The following SPATA9 variants were observed in gnomAD, a reference collection of about 807,000 sequenced individuals.
SPATA9 encodes spermatogenesis associated 9.
SPATA9 carries 27 observed loss-of-function variants against 25.5 expected under a neutral mutation model. That is an observed-to-expected ratio of 1.06 (90% CI 0.78 to 1.46). SPATA9 has a LOEUF of 1.46. SPATA9 is among the 40% of genes most tolerant of loss of function. The pLI is 0.00. For missense variants in SPATA9, 282 were observed against 297.5 expected, an observed-to-expected ratio of 0.95 and a Z score of 0.38; for synonymous variants, 102 against 105.7, an observed-to-expected ratio of 0.97 and a Z score of 0.21.
At chr5:95,693,080 T>G (rs1753929416) in intron 1 of SPATA9, among the ~76,000 whole-genome samples, 1 of 152,260 alleles carries the variant, frequency 6.6e-6, no homozygotes, top group African/African-American at 2.4e-5. Flanking sequence ...TTCTTCATTG[T>G]TTTTGTATTA....
At chr5:95,731,196 C>T in the SPATA9 span, 2 of 1,003,936 alleles carry the variant, frequency 2.0e-6, no homozygotes, top group Non-Finnish European at 2.4e-6. Context: ...GCTCCCGGGG[C>T]CTCCGCGGGG....
At chr5:95,723,678 G>A in the SPATA9 span, among the ~76,000 whole-genome samples, 1 of 152,180 alleles carries the variant, frequency 6.6e-6, no homozygotes, top group East Asian at 1.9e-4. Context: ...TTCTAGGCAA[G>A]TGAGTCTGCA....
chr5:95,714,091 T>G, the SPATA9 span, among the ~76,000 whole-genome samples: 1 of 152,194 alleles, frequency 6.6e-6, no homozygotes, highest in Non-Finnish European at 1.5e-5. Context: ...ATATTTGCCT[T>G]GGGTAATATA....
upstream of SPATA9, among the ~76,000 whole-genome samples, chr5:95,685,778 T>G (rs1753727232): frequency 6.6e-6 from 1 of 152,230 alleles, no homozygotes; most frequent in South Asian, 2.1e-4. Context: ...AAAGTATCAA[T>G]ACAAATACAT....
chr5:95,730,042 G>T, the SPATA9 span, among the ~76,000 whole-genome samples: 1 of 151,574 alleles, frequency 6.6e-6, no homozygotes, highest in East Asian at 1.9e-4. Context: ...AGGTTCTAGA[G>T]ACTCAAAGAG....
the SPATA9 span, among the ~76,000 whole-genome samples, chr5:95,712,773 A>G: frequency 6.6e-6 from 1 of 152,206 alleles, no homozygotes; most frequent in East Asian, 1.9e-4. Context: ...CCTCTGACCC[A>G]CAGAATTTGT....
Position 95,666,738 on chromosome 5 carries a change from T to G in SPATA9, c.379-2690A>C, listed in dbSNP as rs76033439. On this transcript the variant is annotated intron_variant, in intron 3 of 4. Coordinates refer to ENST00000274432, the MANE Select transcript of SPATA9 (RefSeq NM_031952.4). Reference sequence around the variant, plus strand: ...AATTAGTGACTGTAAGGCAGCAGCATCATGAGATTTCTTGAGTGCTGCTTA... The same window carrying G: ...AATTAGTGACTGTAAGGCAGCAGCAGCATGAGATTTCTTGAGTGCTGCTTA... 3.3e-3 allele frequency among the ~76,000 whole-genome samples: 183 copies of G among 56,144 alleles called. 4 individuals carry two copies. In the East Asian group the frequency reaches 0.064, roughly 20 times the overall value. The allele number at this position is 56,144 out of a possible 152,430, so 36.8% of individuals were successfully genotyped here.
Position 95,658,724 on chromosome 5 carries a change from T to C in SPATA9, c.664A>G (p.Ile222Val). 2 of 1,613,892 alleles carry C rather than the reference T, an allele frequency of 1.2e-6. No individual in the cohort carries two copies. The highest frequency in any genetic ancestry group is 1.7e-6 in the Non-Finnish European group (2 of 1,179,914). ...PYRSLPEKPD[I>V]SDYPKLLANK... ...GCAAGAAGCTTGGGGTAATCTGAAATGTCTGGCTTCTCCGGCAATGACCTA... is the reference window on the plus strand; with the variant it reads ...GCAAGAAGCTTGGGGTAATCTGAAACGTCTGGCTTCTCCGGCAATGACCTA... The change falls in exon 5 of 5, where the codon ATT becomes GTT. Residue 222 changes from isoleucine to valine, a missense_variant. Transcript: ENST00000274432.
At chr5:95,659,064 A>G (rs991417630) in intron 4 of SPATA9, 151 bp from the exon 5 acceptor site, 2 of 964,110 alleles carry the variant, frequency 2.1e-6, no homozygotes, top group South Asian at 1.9e-5. Flanking sequence ...GGTACATAAT[A>G]TAATAAGCAT....
chr5:95,731,840 G>GC, the SPATA9 span: 1 of 1,605,952 alleles, frequency 6.2e-7, no homozygotes. Context: ...TTCTCCCCTC[G>GC]CCCCCTCTGT....
At chr5:95,693,260 G>A (rs942891302) in intron 1 of SPATA9, among the ~76,000 whole-genome samples, 1 of 152,142 alleles carries the variant, frequency 6.6e-6, no homozygotes, top group Admixed American at 6.5e-5. Flanking sequence ...CCAGCACCAG[G>A]AGACCTAGAT....
intron 1 of SPATA9, among the ~76,000 whole-genome samples, chr5:95,698,317 AG>A (rs1754088885): frequency 6.6e-6 from 1 of 152,140 alleles, no homozygotes; most frequent in South Asian, 2.1e-4. Flanking sequence ...GACTAAAGAG[AG>A]GGAAGGCTAA....
chr5:95,722,500 T>C, the SPATA9 span, among the ~76,000 whole-genome samples: 569 of 150,098 alleles, frequency 3.8e-3, 3 homozygotes, highest in African/African-American at 0.013. Context: ...TAAAAGAGGT[T>C]TTTTTTTTGA....
At chr5:95,653,030 A>T (rs114220274) in exon 9 of SPATA9, 20,841 of 1,518,972 alleles carry the variant, frequency 0.014, 183 homozygotes, top group Non-Finnish European at 0.016. Context: ...CCTGTTTACC[A>T]ATCTTGCATA....
intron 1 of SPATA9, among the ~76,000 whole-genome samples, chr5:95,691,264 C>T (rs966931951): frequency 2.0e-5 from 3 of 151,770 alleles, no homozygotes; most frequent in Non-Finnish European, 4.4e-5. Flanking sequence ...CTTCCATTAA[C>T]ACTTTATTTT....
chr5:95,698,366 G>A (rs1042549441), intron 1 of SPATA9, among the ~76,000 whole-genome samples: 3 of 152,212 alleles, frequency 2.0e-5, no homozygotes, highest in African/African-American at 7.2e-5. Flanking sequence ...AAGCATCTGT[G>A]AAGGGAGCCA....
At position 95,660,680 on chromosome 5, in the gene SPATA9, TCTCTC is replaced by T. The variant is rs1407692342; in HGVS notation, c.475-1772_475-1768del. Among the ~76,000 whole-genome samples, 3 of 152,064 alleles carry T rather than the reference TCTCTC, an allele frequency of 2.0e-5. No individual in the cohort carries two copies. In the East Asian group the frequency reaches 5.8e-4, roughly 29 times the overall value. ...GAAAGTTCTATCCTATTTGAAACAT[TCTCTC>T]CTCCCTCACCAACAAAAAATTATAT... On this transcript the variant is annotated intron_variant, in intron 4 of 4. Coordinates refer to ENST00000274432, the MANE Select transcript of SPATA9 (RefSeq NM_031952.4).
At chr5:95,696,880 C>T (rs910579188) in intron 1 of SPATA9, among the ~76,000 whole-genome samples, 6 of 152,126 alleles carry the variant, frequency 3.9e-5, no homozygotes, top group South Asian at 4.1e-4. Flanking sequence ...CAAAACAAAA[C>T]GGTAATTTCT....
intron 2 of SPATA9, among the ~76,000 whole-genome samples, chr5:95,677,103 C>A (rs1753008291): frequency 6.6e-6 from 1 of 152,212 alleles, no homozygotes; most frequent in African/African-American, 2.4e-5. Flanking sequence ...CTACCAAAAT[C>A]ATCAGTTGTG....
Sources: gnomAD v4.1 joint callset for allele counts (sites outside exome capture counted in the v4.1 genomes callset) on GRCh38, gnomAD v4.1.1 for gene constraint, MANE v1.5 for transcripts, NCBI Gene and HGNC (gene_info 2026-07-23, HGNC 2026-07-21) for gene names.